The following PLEKHM2 variants were observed in gnomAD, a reference collection of about 807,000 sequenced individuals.
The protein encoded by PLEKHM2 is pleckstrin homology domain-containing family M member 2.
In PLEKHM2, 77 loss-of-function variants were observed where a neutral mutation model predicts 116.3. The ratio of observed to expected loss-of-function variants is 0.66; its 90% CI spans 0.55 to 0.80. PLEKHM2 has a LOEUF of 0.80. Among genes scored for constraint, PLEKHM2 ranks in the 30% least tolerant of loss-of-function variants. The pLI is 0.00. For synonymous variants in PLEKHM2, 562 were observed against 571.0 expected, an observed-to-expected ratio of 0.98 and a Z score of 0.22; for missense variants, 1,183 against 1,354.9, an observed-to-expected ratio of 0.87 and a Z score of 1.99.
chr1:15,698,541 C>CTTTTTTTTTTTTTTTTTTTTTT (rs1249746368), intron 1 of PLEKHM2, among the ~76,000 whole-genome samples: 3 of 139,032 alleles, frequency 2.2e-5, no homozygotes, highest in Admixed American at 7.1e-5. Flanking sequence ...TTCTTTCTTT[C>CTTTTTTTTTTTTTTTTTTTTTT]TTTCTTTCTT....
At chr1:15,690,473 C>G (rs1321610671) in intron 1 of PLEKHM2, among the ~76,000 whole-genome samples, 2 of 152,216 alleles carry the variant, frequency 1.3e-5, no homozygotes, top group Admixed American at 1.3e-4. Flanking sequence ...CAGTTCTGCT[C>G]AAAAGCAACC....
rs1641395828 is a variant in PLEKHM2 at position 15,714,224 on chromosome 1, G to A, written c.61-2013G>A. Among the ~76,000 whole-genome samples the A allele has an allele frequency of 2.0e-5, 3 of 151,866 alleles. No individual in the cohort carries two copies. The South Asian group carries it at 6.2e-4, about 31-fold the overall frequency. On this transcript the variant is annotated intron_variant, in intron 1 of 19. Coordinates refer to ENST00000375799, the MANE Select transcript of PLEKHM2 (RefSeq NM_015164.4). ...CGAAGTGCTGGGATTACAGGTGTGA[G>A]CCACCACACCCGGCCCTGTTTTGGT...
At position 15,728,000 on chromosome 1, in the gene PLEKHM2, C is replaced by T. The variant is rs2068088709; in HGVS notation, c.1761-79C>T. The T allele has an allele frequency of 3.1e-6, 4 of 1,302,564 alleles. No individual in the cohort carries two copies. The highest frequency in any genetic ancestry group is 3.3e-6 in the Non-Finnish European group (3 of 917,236). The allele number at this position is 1,302,564 out of a possible 1,614,324, so 80.7% of individuals were successfully genotyped here. On this transcript the variant is annotated intron_variant, in intron 9 of 19. Transcript: ENST00000375799. The surrounding 1 kb of genome is among the most constrained non-coding windows in gnomAD (Gnocchi z 7.5). The stretch of plus-strand genomic sequence containing the variant: ...TCCTAGTGGGAGGCGGAGGCACTAC[C>T]CCCTGGCTCTGGGGTGGGGTGTGGC...
At chr1:15,710,651 G>T (rs1285463511) in intron 1 of PLEKHM2, among the ~76,000 whole-genome samples, 3 of 152,164 alleles carry the variant, frequency 2.0e-5, no homozygotes, top group South Asian at 2.1e-4. Context: ...GAAAAAGAAT[G>T]TTGAGGGGGC....
chr1:15,696,997 T>G (rs1415141880), intron 1 of PLEKHM2, among the ~76,000 whole-genome samples: 1 of 151,988 alleles, frequency 6.6e-6, no homozygotes, highest in Non-Finnish European at 1.5e-5. Flanking sequence ...AGTGACAGAG[T>G]GAGCATTTCC....
intron 1 of PLEKHM2, among the ~76,000 whole-genome samples, chr1:15,714,201 A>G (rs970663685): frequency 6.6e-6 from 1 of 151,926 alleles, no homozygotes; most frequent in Non-Finnish European, 1.5e-5. Flanking sequence ...TGGCTTCCCG[A>G]AGTGCTGGGA....
intron 1 of PLEKHM2, among the ~76,000 whole-genome samples, chr1:15,704,744 C>G (rs1641187168): frequency 6.6e-6 from 1 of 152,188 alleles, no homozygotes; most frequent in Admixed American, 6.5e-5. Context: ...GGTCCCAGCA[C>G]CTCCCTTTTA....
At position 15,730,736 on chromosome 1, in the gene PLEKHM2, C is replaced by A; in HGVS notation, c.2399+14C>A. The A allele has an allele frequency of 3.8e-6, 6 of 1,579,868 alleles. No homozygotes were observed. The highest frequency in any genetic ancestry group is 5.2e-6 in the Non-Finnish European group (6 of 1,163,172). ...CGTGGTGCTCAGGTGGGAGCCCTGG[C>A]AGCTCTAGGCCTGGGGCTTGGGCCC... On this transcript the variant is annotated intron_variant, in intron 15 of 19. Transcript: ENST00000375799.
In PLEKHM2 at chr1:15,729,998, C is replaced by A; in HGVS notation, c.2208+69C>A. On this transcript the variant is annotated intron_variant, in intron 14 of 19. Coordinates refer to ENST00000375799, the MANE Select transcript of PLEKHM2 (RefSeq NM_015164.4). The surrounding 1 kb of genome is among the most constrained non-coding windows in gnomAD (Gnocchi z 4.7). ...AGAGCAGCAGCCGCCTTGGCGTGAG[C>A]GTTAAGGGATGCACGTGGATGTCTT... The A allele has an allele frequency of 8.4e-7, 1 of 1,186,736 alleles. No individual in the cohort carries two copies. Among genetic ancestry groups the A allele is most frequent in the Non-Finnish European group, 1.1e-6 (1 of 897,530 alleles). The allele number at this position is 1,186,736 out of a possible 1,614,324, so 73.5% of individuals were successfully genotyped here. A position where few individuals can be genotyped will look rare whatever the true frequency, so the allele number is the denominator to read the frequency against.
At chr1:15,724,946 C>T (rs140406091) in intron 7 of PLEKHM2, among the ~76,000 whole-genome samples, 106 of 152,280 alleles carry the variant, frequency 7.0e-4, no homozygotes, top group African/African-American at 2.4e-3. Context: ...AGGCGTGCAG[C>T]CTGGCTCCTC....
intron 1 of PLEKHM2, among the ~76,000 whole-genome samples, chr1:15,707,677 G>A (rs1641252891): frequency 6.6e-6 from 1 of 152,188 alleles, no homozygotes; most frequent in African/African-American, 2.4e-5. Context: ...AGTGGGGAAA[G>A]CCCCTCCTGG....
Position 15,719,921 on chromosome 1 carries a change from G to T in PLEKHM2, c.652+1G>T. On this transcript the variant is annotated splice_donor_variant, in intron 6 of 19. Coordinates refer to ENST00000375799, the MANE Select transcript of PLEKHM2 (RefSeq NM_015164.4). LOFTEE classifies it high-confidence loss of function. This position sits in a 1 kb window ranked among gnomAD's most constrained non-coding sequence, Gnocchi z 4.1. ...AGTGCGATTGCCCCATCTAGTGAGG[G>T]TGAGTGGCCCCAGGGCAGAAAAGCT... The T allele has an allele frequency of 6.2e-7, 1 of 1,611,088 alleles. No homozygotes were observed. The highest frequency in any genetic ancestry group is 1.7e-4 in the Middle Eastern group (1 of 6,058).
chr1:15,714,127 G>A (rs1337092745), intron 1 of PLEKHM2, among the ~76,000 whole-genome samples: 1 of 150,506 alleles, frequency 6.6e-6, no homozygotes, highest in African/African-American at 2.5e-5. Context: ...TTTTAGTAGA[G>A]AACGAGGTTT....
intron 1 of PLEKHM2, among the ~76,000 whole-genome samples, chr1:15,704,669 T>C (rs1422573980): frequency 6.6e-6 from 1 of 152,228 alleles, no homozygotes; most frequent in Non-Finnish European, 1.5e-5. Flanking sequence ...CACAAGCTCC[T>C]GCCCTCCGTG....
Position 15,728,295 on chromosome 1 carries a change from A to T in PLEKHM2, c.1859A>T (p.Glu620Val). Residue 620 changes from glutamate to valine, a missense_variant, in exon 11 of 20, where the codon GAG (glutamate) becomes GTG (valine). Glu to Val is a moderately radical substitution (Grantham distance 121). Around this residue, in one of 3 missense-constraint regions of PLEKHM2, gnomAD observed 594 missense variants for 720.1 expected, o/e 0.82. Coordinates refer to ENST00000375799, the MANE Select transcript of PLEKHM2 (RefSeq NM_015164.4). This position sits in a 1 kb window ranked among gnomAD's most constrained non-coding sequence, Gnocchi z 5.9. ...KMIRMSTGHMEGNLQLLYVLL... is the reference protein window; with the variant it reads ...KMIRMSTGHMVGNLQLLYVLL... ...ATCCGGATGAGCACCGGGCACATGG[A>T]GGGCAACCTGCAGCTGCTGTACGTG... 1 of 1,613,364 alleles carries T rather than the reference A, an allele frequency of 6.2e-7. No individual in the cohort carries two copies.
At position 15,732,350 on chromosome 1, in the gene PLEKHM2, G is replaced by T. The variant is rs1464968857; in HGVS notation, c.2626G>T (p.Val876Phe). ...TGCCTCTCCCCTGCCCCGCTGCCAG[G>T]TCATCCCCCAGGGCGTAGCTCCCAG... ...QHLCQAVSKGVIPQGVAPSPC... is the reference protein window; with the variant it reads ...QHLCQAVSKGFIPQGVAPSPC... The change falls in exon 18 of 20, where the codon GTC becomes TTC. Residue 876 changes from valine (V) to phenylalanine (F), a missense_variant and splice_region_variant. Val to Phe is a conservative substitution (Grantham distance 50, BLOSUM62 -1). Coordinates refer to ENST00000375799, the MANE Select transcript of PLEKHM2 (RefSeq NM_015164.4). 22 of 1,551,084 alleles carry T rather than the reference G, an allele frequency of 1.4e-5. No individual in the cohort carries two copies. Among genetic ancestry groups the T allele is most frequent in the Non-Finnish European group, 1.9e-5 (22 of 1,147,144 alleles).
At chr1:15,720,284 G>T (rs1191453551) in intron 6 of PLEKHM2, 7 of 961,098 alleles carry the variant, frequency 7.3e-6, no homozygotes, top group Admixed American at 6.2e-5. Flanking sequence ...GCCTGTTCTG[G>T]GGAGCTTGTC....
At chr1:15,726,088 A>G (rs1385024366) in intron 8 of PLEKHM2, among the ~76,000 whole-genome samples, 3 of 152,212 alleles carry the variant, frequency 2.0e-5, no homozygotes, top group Non-Finnish European at 4.4e-5. Context: ...TGGCACAGGC[A>G]GCGACCGTGG....
intron 1 of PLEKHM2, among the ~76,000 whole-genome samples, chr1:15,694,617 G>A (rs1052210809): frequency 1.1e-4 from 17 of 152,030 alleles, no homozygotes; most frequent in South Asian, 2.1e-4. Flanking sequence ...AGTCCTTTCC[G>A]CGGGAGATTA....
Sources: allele counts gnomAD v4.1 joint callset (sites outside exome capture counted in the v4.1 genomes callset), GRCh38; gene constraint gnomAD v4.1.1; regional missense constraint gnomAD v4.1.1; non-coding constraint Gnocchi (gnomAD v3.1); transcripts MANE v1.5; gene names NCBI Gene and HGNC (gene_info 2026-07-23, HGNC 2026-07-21).